Variants in MTFR1 observed in about 807,000 individuals in gnomAD.
MTFR1 encodes the protein chondrocyte protein with a poly-proline region.
A neutral mutation model predicts 38.8 loss-of-function variants in MTFR1; 28 were observed. The observed-to-expected ratio is 0.72, with a 90% confidence interval of 0.53 to 0.99. The LOEUF (loss-of-function observed/expected upper bound fraction) is 0.99. Ranked by LOEUF, MTFR1 falls within the 50% of genes least tolerant of loss-of-function variation. The probability of loss-of-function intolerance (pLI) is 0.00; values close to 1 mark genes in which losing one functional copy is unlikely to be tolerated. For synonymous variants in MTFR1, 145 were observed against 137.0 expected (o/e 1.06, Z -0.41); for missense variants, 358 against 395.5 (o/e 0.91, Z 0.81).
chr8:65,697,537 A>C (rs1424680876), intron 4 of MTFR1, among the ~76,000 whole-genome samples: 1 of 152,234 alleles, frequency 6.6e-6, no homozygotes, highest in Non-Finnish European at 1.5e-5. Context: ...GTTGATGGAC[A>C]TCTAGGTTGA....
chr8:65,659,707 G>A (rs1462250322), intron 1 of MTFR1, among the ~76,000 whole-genome samples: 3 of 152,158 alleles, frequency 2.0e-5, no homozygotes, highest in Non-Finnish European at 4.4e-5. Flanking sequence ...GAGACATGTA[G>A]AAAGAGAAAG....
At chr8:65,649,470 C>G (rs1809057814) in intron 1 of MTFR1, among the ~76,000 whole-genome samples, 1 of 152,080 alleles carries the variant, frequency 6.6e-6, no homozygotes, top group South Asian at 2.1e-4. Flanking sequence ...AGGTGTGAGC[C>G]ACCGCGCCTG....
chr8:65,688,302 A>T (rs1266772716), intron 3 of MTFR1, among the ~76,000 whole-genome samples: 1 of 151,030 alleles, frequency 6.6e-6, no homozygotes, highest in East Asian at 2.0e-4. Flanking sequence ...TGGGAGGCTG[A>T]TGCAGGAGAA....
chr8:65,697,707 G>A (rs186473307), intron 4 of MTFR1, among the ~76,000 whole-genome samples: 1 of 152,254 alleles, frequency 6.6e-6, no homozygotes. Flanking sequence ...CTGACAAGCT[G>A]TTTTCTAGAG....
Position 65,707,992 on chromosome 8 carries a change from C to G in MTFR1, c.914C>G (p.Ala305Gly). Residue 305 changes from alanine (A) to glycine (G), a missense_variant, in exon 7 of 8, where the codon GCC becomes GGC. Physicochemically the swap from Ala to Gly is moderately conservative, Grantham distance 60. Coordinates refer to ENST00000262146, the MANE Select transcript of MTFR1 (RefSeq NM_014637.4). ...EKGIPKSESE[A>G]TSERVLFGPH... ...GGAATTCCAAAGTCTGAATCAGAGG[C>G]CACCTCAGAGAGAGTGTTGGTGAGT... 6.2e-7 allele frequency: 1 copy of G among 1,612,180 alleles called. No individual in the cohort carries two copies.
intron 4 of MTFR1, among the ~76,000 whole-genome samples, chr8:65,699,655 T>C (rs951581759): frequency 5.3e-5 from 8 of 152,334 alleles, no homozygotes; most frequent in Non-Finnish European, 8.8e-5. Flanking sequence ...CAGTAGTTCT[T>C]GGAGCAAAAG....
chr8:65,745,008 G>A (rs780164164), intron 3 of MTFR1, among the ~76,000 whole-genome samples: 9 of 152,154 alleles, frequency 5.9e-5, no homozygotes, highest in Admixed American at 2.0e-4. Context: ...GGAGGGACCC[G>A]GTGGGAGACA....
chr8:65,754,425 A>G (rs755434817), intron 3 of MTFR1, among the ~76,000 whole-genome samples: 1 of 151,024 alleles, frequency 6.6e-6, no homozygotes, highest in Admixed American at 6.6e-5. Context: ...TTTACTTTCA[A>G]CCTCTTTGTT....
intron 2 of MTFR1, among the ~76,000 whole-genome samples, chr8:65,672,321 G>A (rs1163756581): frequency 6.6e-6 from 1 of 152,120 alleles, no homozygotes; most frequent in South Asian, 2.1e-4. Context: ...TGTTGCCTAA[G>A]AATAAAAATA....
chr8:65,654,630 T>C (rs1809206655), intron 1 of MTFR1, among the ~76,000 whole-genome samples: 1 of 152,088 alleles, frequency 6.6e-6, no homozygotes, highest in Non-Finnish European at 1.5e-5. Context: ...CAGAGTGGAG[T>C]ACAGTGGCGC....
intron 2 of MTFR1, among the ~76,000 whole-genome samples, chr8:65,675,489 T>C (rs981158714): frequency 6.7e-5 from 10 of 148,304 alleles, no homozygotes; most frequent in Non-Finnish European, 1.3e-4. Context: ...GTCCCAGCTA[T>C]TCAGGAGGCT....
chr8:65,690,925 C>A (rs1483564841), intron 3 of MTFR1, among the ~76,000 whole-genome samples: 1 of 152,174 alleles, frequency 6.6e-6, no homozygotes, highest in Non-Finnish European at 1.5e-5. Context: ...CATTTAGAAT[C>A]TCCTTATTAC....
chr8:65,752,661 G>C (rs1035834894), intron 3 of MTFR1, among the ~76,000 whole-genome samples: 18 of 152,064 alleles, frequency 1.2e-4, no homozygotes. Context: ...TGCCTGGTAT[G>C]TTCTTTCAAT....
chr8:65,733,708 G>A (rs1807000658), intron 3 of MTFR1, among the ~76,000 whole-genome samples: 1 of 152,146 alleles, frequency 6.6e-6, no homozygotes, highest in South Asian at 2.1e-4. Context: ...CTGCATGTAA[G>A]TTCTACCACA....
In MTFR1 at chr8:65,723,656, G is replaced by T. The variant is rs1233936507; in HGVS notation, c.*48+4175G>T. The T allele has an allele frequency of 2.9e-6, 4 of 1,394,660 alleles. No individual in the cohort carries two copies. The South Asian group carries it at 4.2e-5, about 15-fold the overall frequency. The allele number at this position is 1,394,660 out of a possible 1,614,324, so 86.4% of individuals were successfully genotyped here. A position where few individuals can be genotyped will look rare whatever the true frequency, so the allele number is the denominator to read the frequency against. Reference sequence around the variant, plus strand: ...AAAAAAAGAGAAGTATTAATATGAAGAATATCTATTGGTTAAATATATAAT... The same window carrying T: ...AAAAAAAGAGAAGTATTAATATGAATAATATCTATTGGTTAAATATATAAT... On this transcript the variant is annotated intron_variant, in intron 3 of 3. Coordinates refer to the MTFR1 transcript ENST00000521247.
At chr8:65,681,208 G>A (rs1034527396) in intron 2 of MTFR1, among the ~76,000 whole-genome samples, 17 of 151,998 alleles carry the variant, frequency 1.1e-4, no homozygotes, top group Admixed American at 6.6e-5. Flanking sequence ...CACCGCGCCC[G>A]GCCTGGGTTC....
At chr8:65,690,644 G>T (rs540535174) in intron 3 of MTFR1, among the ~76,000 whole-genome samples, 1 of 151,866 alleles carries the variant, frequency 6.6e-6, no homozygotes, top group Admixed American at 6.6e-5. Flanking sequence ...AGCTATTTTT[G>T]TAACTTCTGT....
intron 1 of MTFR1, among the ~76,000 whole-genome samples, chr8:65,663,916 C>T (rs978485748): frequency 1.3e-5 from 2 of 151,270 alleles, no homozygotes; most frequent in Non-Finnish European, 2.9e-5. Context: ...CAACCTCCGC[C>T]TCCTGGGCTC....
At chr8:65,704,473 T>G (rs1237027194) in intron 4 of MTFR1, among the ~76,000 whole-genome samples, 1 of 152,158 alleles carries the variant, frequency 6.6e-6, no homozygotes, top group East Asian at 1.9e-4. Context: ...TATGTAGAGA[T>G]TGACTAAGAA....
Sources: gnomAD v4.1 joint callset for allele counts (sites outside exome capture counted in the v4.1 genomes callset) on GRCh38, gnomAD v4.1.1 for gene constraint, MANE v1.5 for transcripts, NCBI Gene and HGNC (gene_info 2026-07-23, HGNC 2026-07-21) for gene names.